Variants in STXBP5L observed in about 807,000 individuals in gnomAD.
The protein encoded by STXBP5L is syntaxin binding protein 5L.
STXBP5L carries 65 observed loss-of-function variants against 144.5 expected under a neutral mutation model. The observed-to-expected ratio is 0.45, with a 90% CI of 0.37 to 0.55. STXBP5L has a LOEUF of 0.55. Ranked by LOEUF, STXBP5L falls within the 20% of genes least tolerant of loss-of-function variation. The pLI is 0.00. For synonymous variants in STXBP5L, 505 were observed against 469.6 expected (o/e 1.08, Z -0.97); for missense variants, 1,298 against 1,405.5 (o/e 0.92, Z 1.22).
intron 2 of STXBP5L, among the ~76,000 whole-genome samples, chr3:120,923,833 A>T (rs925631550): frequency 2.0e-5 from 3 of 152,096 alleles, no homozygotes; most frequent in African/African-American, 7.2e-5. Context: ...GAAATATTTT[A>T]TAAATGCCAA....
chr3:121,027,287 A>G (rs992988352), intron 3 of STXBP5L, among the ~76,000 whole-genome samples: 1 of 152,212 alleles, frequency 6.6e-6, no homozygotes, highest in Non-Finnish European at 1.5e-5. Flanking sequence ...ATAGTTAATC[A>G]TGATTTAAGG....
intron 2 of STXBP5L, among the ~76,000 whole-genome samples, chr3:120,928,075 G>A (rs1216688902): frequency 4.6e-5 from 7 of 151,880 alleles, no homozygotes; most frequent in Non-Finnish European, 7.4e-5. Flanking sequence ...AAGTATGTGA[G>A]GTAAAATTTA....
chr3:121,378,772 C>T lies in STXBP5L; in HGVS notation c.2233C>T (p.Arg745Cys), dbSNP rs748974536. The part of the protein sequence containing the change: ...PTSQSCSSGK[R>C]LSSADVSKVN... ...TTCTCAGAGTTGCAGTTCTGGAAAACGTCTTTCTAGTGCCGATGTTTCAAA... is the reference window on the plus strand; with the variant it reads ...TTCTCAGAGTTGCAGTTCTGGAAAATGTCTTTCTAGTGCCGATGTTTCAAA... Residue 745 changes from arginine to cysteine, a missense_variant, in exon 21 of 27, where the codon CGT becomes TGT. Physicochemically the swap from Arg to Cys is radical, Grantham distance 180. Transcript: ENST00000471454. 3 of 1,613,698 alleles carry T rather than the reference C, an allele frequency of 1.9e-6. No homozygotes were observed. The highest frequency in any genetic ancestry group is 1.3e-5 in the African/African-American group (1 of 75,024).
chr3:121,207,978 A>T (rs1390125184), intron 10 of STXBP5L, among the ~76,000 whole-genome samples: 1 of 152,210 alleles, frequency 6.6e-6, no homozygotes, highest in East Asian at 1.9e-4. Context: ...CCATCCCCTT[A>T]CTGGGTATAT....
intron 3 of STXBP5L, among the ~76,000 whole-genome samples, chr3:121,023,327 A>G (rs536550871): frequency 6.6e-6 from 1 of 152,288 alleles, no homozygotes; most frequent in South Asian, 2.1e-4. Flanking sequence ...TCCAAAAGCA[A>G]TCTACAAATT....
At chr3:121,051,076 T>C (rs1469092906) in intron 5 of STXBP5L, among the ~76,000 whole-genome samples, 4 of 152,090 alleles carry the variant, frequency 2.6e-5, no homozygotes, top group East Asian at 1.9e-4. Flanking sequence ...AGCACCCAGA[T>C]TCATAAAGGA....
chr3:121,225,729 A>G (rs749235700), intron 11 of STXBP5L, among the ~76,000 whole-genome samples: 5 of 152,202 alleles, frequency 3.3e-5, no homozygotes, highest in African/African-American at 4.8e-5. Context: ...ATCTTTGCCA[A>G]TTGGGCTTTT....
At chr3:121,018,847 A>G (rs1945333549) in intron 3 of STXBP5L, among the ~76,000 whole-genome samples, 10 of 152,234 alleles carry the variant, frequency 6.6e-5, no homozygotes, top group Admixed American at 6.5e-4. Context: ...CTGCAGGAAC[A>G]TACCAACAAA....
chr3:121,040,273 C>A (rs1245902491), intron 3 of STXBP5L, among the ~76,000 whole-genome samples: 3 of 151,886 alleles, frequency 2.0e-5, no homozygotes, highest in African/African-American at 7.2e-5. Flanking sequence ...CAGTTTGATC[C>A]TTTTGTAACC....
intron 2 of STXBP5L, among the ~76,000 whole-genome samples, chr3:120,913,970 TA>T (rs546908617): frequency 2.7e-4 from 41 of 152,120 alleles, no homozygotes; most frequent in Admixed American, 1.2e-3. Flanking sequence ...TTTTATGAAA[TA>T]ACTTTTATAT....
chr3:121,364,482 CAA>C (rs34692428), intron 20 of STXBP5L, among the ~76,000 whole-genome samples: 6 of 134,982 alleles, frequency 4.4e-5, no homozygotes, highest in Admixed American at 7.3e-5. Flanking sequence ...TCTATATCTG[CAA>C]AAAAAAAAAA....
intron 7 of STXBP5L, among the ~76,000 whole-genome samples, chr3:121,145,826 T>C (rs1213916854): frequency 6.6e-6 from 1 of 152,086 alleles, no homozygotes; most frequent in African/African-American, 2.4e-5. Flanking sequence ...ATTTTTAGTA[T>C]GTCTGTGAAA....
chr3:121,291,131 G>T (rs1294541899), intron 19 of STXBP5L, among the ~76,000 whole-genome samples: 1 of 152,074 alleles, frequency 6.6e-6, no homozygotes, highest in Non-Finnish European at 1.5e-5. Flanking sequence ...CCAATGATAA[G>T]ATTGTATGCC....
intron 9 of STXBP5L, among the ~76,000 whole-genome samples, chr3:121,180,183 A>G (rs2047087328): frequency 6.6e-6 from 1 of 152,194 alleles, no homozygotes; most frequent in South Asian, 2.1e-4. Flanking sequence ...GAGAGCTGTG[A>G]GACAAAAGTA....
chr3:121,206,002 G>A lies in STXBP5L; in HGVS notation c.956+1G>A. The A allele has an allele frequency of 6.7e-7, 1 of 1,492,866 alleles. No homozygotes were observed. Among genetic ancestry groups the A allele is most frequent in the Non-Finnish European group, 8.9e-7 (1 of 1,123,518 alleles). 92.5% of individuals were successfully genotyped at this position (1,492,866 alleles called of 1,614,324 possible). A position where few individuals can be genotyped will look rare whatever the true frequency, so the allele number is the denominator to read the frequency against. ...TAGAATACAAGACCTGCAAAAACAGGTATGCATTTTTACTTTAGGGAAAGA... is the reference window on the plus strand; with the variant it reads ...TAGAATACAAGACCTGCAAAAACAGATATGCATTTTTACTTTAGGGAAAGA... On this transcript the variant is annotated splice_donor_variant, in intron 10 of 26. Transcript: ENST00000471454. LOFTEE classifies it high-confidence loss of function.
chr3:120,911,665 TATA>T (rs1304357290), intron 2 of STXBP5L, among the ~76,000 whole-genome samples: 2 of 152,224 alleles, frequency 1.3e-5, no homozygotes, highest in Admixed American at 6.5e-5. Flanking sequence ...ACTAGTGGGT[TATA>T]ATAATATTAG....
At chr3:121,047,940 G>T (rs1362199737) in intron 5 of STXBP5L, among the ~76,000 whole-genome samples, 1 of 151,870 alleles carries the variant, frequency 6.6e-6, no homozygotes, top group Non-Finnish European at 1.5e-5. Flanking sequence ...GCTTTATAGG[G>T]TCAACAGTTT....
intron 19 of STXBP5L, among the ~76,000 whole-genome samples, chr3:121,315,583 T>C (rs535392367): frequency 6.6e-6 from 1 of 151,950 alleles, no homozygotes; most frequent in African/African-American, 2.4e-5. Context: ...TGTATACATA[T>C]GTAACTAACC....
intron 9 of STXBP5L, among the ~76,000 whole-genome samples, chr3:121,184,728 C>T (rs1313193397): frequency 6.6e-6 from 1 of 152,118 alleles, no homozygotes; most frequent in African/African-American, 2.4e-5. Context: ...CACAAAGATA[C>T]TCCTCGAGAA....
Sources: gnomAD v4.1 joint callset for allele counts (sites outside exome capture counted in the v4.1 genomes callset) on GRCh38, gnomAD v4.1.1 for gene constraint, MANE v1.5 for transcripts, NCBI Gene and HGNC (gene_info 2026-07-23, HGNC 2026-07-21) for gene names.